The following TLN2 variants were observed in gnomAD, a reference collection of about 807,000 sequenced individuals.
TLN2 encodes the protein talin 2, also known as talin-2.
In TLN2, 118 loss-of-function variants were observed where a neutral mutation model predicts 294.7. The ratio of observed to expected loss-of-function variants is 0.40; its 90% confidence interval spans 0.34 to 0.47. The LOEUF (loss-of-function observed/expected upper bound fraction) is 0.47, where lower values mean the gene tolerates loss of function less well. Ranked by LOEUF, TLN2 falls within the 20% of genes least tolerant of loss-of-function variation. TLN2 has a pLI of 0.84. For missense variants in TLN2, 3,083 were observed against 3,282.2 expected, an observed-to-expected ratio of 0.94 and a Z score of 1.48; for synonymous variants, 1,431 against 1,304.5, an observed-to-expected ratio of 1.10 and a Z score of -2.09.
In TLN2 at chr15:62,762,154, C is replaced by T. The variant is rs557077734; in HGVS notation, c.4780-118C>T. 2.6e-5 allele frequency: 31 copies of T among 1,204,614 alleles called. No homozygotes were observed. The East Asian group carries it at 7.0e-4, about 27-fold the overall frequency. The allele number at this position is 1,204,614 out of a possible 1,614,324, so 74.6% of individuals were successfully genotyped here. On this transcript the variant is annotated intron_variant, in intron 38 of 58. Transcript: ENST00000636159. The stretch of plus-strand genomic sequence containing the variant: ...TCCAGTCTTCATGGTTCCCTGCCCT[C>T]TTTGTCTCCTTCAAAGGGCAGAGGT...
chr15:62,796,851 C>G (rs1040674317), intron 47 of TLN2, among the ~76,000 whole-genome samples: 1 of 152,194 alleles, frequency 6.6e-6, no homozygotes, highest in South Asian at 2.1e-4. Context: ...GGTGCCCCAA[C>G]CCATGTGTCC....
At chr15:62,489,555 A>G (rs2038594070) in intron 1 of TLN2, among the ~76,000 whole-genome samples, 1 of 152,096 alleles carries the variant, frequency 6.6e-6, no homozygotes, top group Non-Finnish European at 1.5e-5. Flanking sequence ...CAAAGCACAA[A>G]TACCTCATCC....
At chr15:62,536,569 G>A (rs945443067) in intron 1 of TLN2, among the ~76,000 whole-genome samples, 1 of 152,146 alleles carries the variant, frequency 6.6e-6, no homozygotes, top group Non-Finnish European at 1.5e-5. Flanking sequence ...TTGACAGCAC[G>A]TGTGTTTTGT....
chr15:62,780,537 C>T (rs1056887500), intron 43 of TLN2, among the ~76,000 whole-genome samples: 1 of 152,174 alleles, frequency 6.6e-6, no homozygotes, highest in African/African-American at 2.4e-5. Flanking sequence ...GGACATAGTC[C>T]CATTGTCTCA....
At chr15:62,793,303 G>A (rs547338794) in intron 46 of TLN2, among the ~76,000 whole-genome samples, 1 of 145,310 alleles carries the variant, frequency 6.9e-6, no homozygotes, top group Non-Finnish European at 1.6e-5. Context: ...TTGTGGAGAA[G>A]CAGAAACTTG....
chr15:62,646,456 C>A (rs1469162621), intron 3 of TLN2, among the ~76,000 whole-genome samples: 4 of 152,180 alleles, frequency 2.6e-5, no homozygotes, highest in African/African-American at 7.2e-5. Flanking sequence ...GCCACTGCAC[C>A]CAGCCACCTG....
At chr15:62,474,291 A>T (rs114756351) in intron 1 of TLN2, among the ~76,000 whole-genome samples, 1,777 of 152,236 alleles carry the variant, frequency 0.012, 34 homozygotes, top group African/African-American at 0.041. Context: ...GAAAGCATCT[A>T]TCATTCTCAG....
chr15:62,640,501 GC>G (rs1596453716), intron 3 of TLN2: 1 of 377,798 alleles, frequency 2.6e-6, no homozygotes, highest in East Asian at 7.2e-5. Context: ...AGTGTGCAGA[GC>G]CCCCATTGTG....
chr15:62,777,230 A>T (rs1339484590), intron 43 of TLN2, among the ~76,000 whole-genome samples: 2 of 149,384 alleles, frequency 1.3e-5, no homozygotes, highest in East Asian at 2.0e-4. Flanking sequence ...CAATTGCCAA[A>T]ATGAAATAAA....
chr15:62,717,194 T>C (rs1019212603), intron 23 of TLN2, among the ~76,000 whole-genome samples: 2 of 152,336 alleles, frequency 1.3e-5, no homozygotes, highest in Middle Eastern at 3.4e-3. Context: ...AGGAGAGTCA[T>C]GGGCACCAGC....
chr15:62,582,247 C>CACACACACACACACACACACACACACAT (rs1412650912), intron 1 of TLN2, among the ~76,000 whole-genome samples: 1 of 103,134 alleles, frequency 9.7e-6, no homozygotes, highest in African/African-American at 3.6e-5. Flanking sequence ...CACACACACA[C>CACACACACACACACACACACACACACAT]ATTCATGCCT....
chr15:62,787,447 C>T (rs979495722), intron 45 of TLN2, among the ~76,000 whole-genome samples: 10 of 152,136 alleles, frequency 6.6e-5, no homozygotes, highest in Admixed American at 2.0e-4. Flanking sequence ...TCCCCCAAGG[C>T]ACAAAACCAG....
intron 46 of TLN2, among the ~76,000 whole-genome samples, chr15:62,795,464 T>G (rs2141128321): frequency 6.6e-6 from 1 of 152,218 alleles, no homozygotes; most frequent in Middle Eastern, 3.4e-3. Flanking sequence ...AGCACAGGAT[T>G]TCTGACATGG....
At chr15:62,482,179 C>A (rs547593732) in intron 1 of TLN2, among the ~76,000 whole-genome samples, 1 of 152,308 alleles carries the variant, frequency 6.6e-6, no homozygotes, top group Admixed American at 6.5e-5. Flanking sequence ...GGGTGTCCCC[C>A]ACCCCTTGCA....
intron 1 of TLN2, among the ~76,000 whole-genome samples, chr15:62,507,651 A>G (rs1370103717): frequency 2.0e-5 from 3 of 152,244 alleles, no homozygotes; most frequent in African/African-American, 7.2e-5. Flanking sequence ...GCAGTGAGTT[A>G]ATTGCATGGT....
intron 40 of TLN2, 46 bp from the exon 41 acceptor site, chr15:62,766,275 G>T: frequency 6.5e-7 from 1 of 1,527,818 alleles, no homozygotes; most frequent in Non-Finnish European, 9.0e-7. Context: ...GTGCAGCTCT[G>T]TGGGGAGCTG....
chr15:62,676,242 T>C (rs1250576047), intron 11 of TLN2, among the ~76,000 whole-genome samples: 1 of 152,204 alleles, frequency 6.6e-6, no homozygotes, highest in Non-Finnish European at 1.5e-5. Flanking sequence ...CGGAGCAAGC[T>C]GCCTCATTTG....
At chr15:62,540,265 G>A (rs546631442) in intron 1 of TLN2, among the ~76,000 whole-genome samples, 4 of 152,006 alleles carry the variant, frequency 2.6e-5, no homozygotes, top group African/African-American at 7.3e-5. Flanking sequence ...GCTTGAACCC[G>A]GAAGGCAGAG....
intron 28 of TLN2, among the ~76,000 whole-genome samples, chr15:62,728,539 C>T (rs2060556694): frequency 6.6e-6 from 1 of 152,154 alleles, no homozygotes; most frequent in Admixed American, 6.5e-5. Flanking sequence ...ATGGAAGCTC[C>T]AGTTGTTCTC....
Sources: gnomAD v4.1 joint callset for allele counts (sites outside exome capture counted in the v4.1 genomes callset) on GRCh38, gnomAD v4.1.1 for gene constraint, MANE v1.5 for transcripts, NCBI Gene and HGNC (gene_info 2026-07-23, HGNC 2026-07-21) for gene names.